ATRNL1: variants seen among roughly 807,000 people sequenced by gnomAD.
ATRNL1 encodes the protein attractin-like protein 1.
In ATRNL1, 95 loss-of-function variants were observed where a neutral mutation model predicts 182.7. That is an observed-to-expected ratio of 0.52 (90% CI 0.44 to 0.62). The LOEUF is 0.62. Among genes scored for constraint, ATRNL1 ranks in the 20% least tolerant of loss-of-function variants. The pLI is 0.00. For missense variants in ATRNL1, 1,471 were observed against 1,679.5 expected (o/e 0.88, Z 2.17); for synonymous variants, 576 against 568.3 (o/e 1.01, Z -0.19).
At chr10:115,219,679 G>C (rs1387896936) in intron 9 of ATRNL1, among the ~76,000 whole-genome samples, 1 of 152,148 alleles carries the variant, frequency 6.6e-6, no homozygotes, top group Non-Finnish European at 1.5e-5. Context: ...GAGGCAGGTG[G>C]ATTGCTTGAA....
At chr10:115,257,065 TTAGAA>T (rs544585844) in intron 10 of ATRNL1, among the ~76,000 whole-genome samples, 179 of 152,286 alleles carry the variant, frequency 1.2e-3, no homozygotes, top group African/African-American at 4.0e-3. Context: ...GTGGTCAACT[TTAGAA>T]TAAGTGCGAT....
At chr10:115,318,616 G>T (rs1406225784) in intron 18 of ATRNL1, among the ~76,000 whole-genome samples, 1 of 152,054 alleles carries the variant, frequency 6.6e-6, no homozygotes, top group Non-Finnish European at 1.5e-5. Context: ...TTAGTCTTGG[G>T]AGGGTGTGTG....
At chr10:115,762,051 A>G (rs945204618) in intron 27 of ATRNL1, among the ~76,000 whole-genome samples, 2 of 152,146 alleles carry the variant, frequency 1.3e-5, no homozygotes, top group East Asian at 1.9e-4. Flanking sequence ...GAAATTGGCC[A>G]TTGTCAGAAT....
At position 115,674,626 on chromosome 10, in the gene ATRNL1, A is replaced by G. The variant is rs1945803969; in HGVS notation, c.3796-52622A>G. Among the ~76,000 whole-genome samples, 2 of 152,098 alleles carry G rather than the reference A, an allele frequency of 1.3e-5. 1 individual carries two copies. Among genetic ancestry groups the G allele is most frequent in the Non-Finnish European group, 2.9e-5 (2 of 68,002 alleles). On this transcript the variant is annotated intron_variant, in intron 26 of 28. Coordinates refer to ENST00000355044, the MANE Select transcript of ATRNL1 (RefSeq NM_207303.4). ...CTGATGAAATTTTTGTAAGTACTTA[A>G]CTGTGTATTTGCCCATTTATAGACT... is the stretch of plus-strand genomic sequence containing the variant.
chr10:115,301,064 T>A (rs1458880804), intron 16 of ATRNL1, among the ~76,000 whole-genome samples: 2 of 152,184 alleles, frequency 1.3e-5, no homozygotes, highest in Non-Finnish European at 2.9e-5. Flanking sequence ...GTAGGATATA[T>A]GAGAATTTCC....
intron 21 of ATRNL1, among the ~76,000 whole-genome samples, chr10:115,436,865 T>G (rs1846427630): frequency 1.3e-5 from 2 of 152,116 alleles, no homozygotes; most frequent in African/African-American, 4.8e-5. Context: ...CTATTGAAGC[T>G]TATACACTAC....
intron 26 of ATRNL1, among the ~76,000 whole-genome samples, chr10:115,696,078 T>G (rs2133983450): frequency 6.6e-6 from 1 of 152,236 alleles, no homozygotes; most frequent in South Asian, 2.1e-4. Context: ...TTTTGTATTT[T>G]TAGTAGAGAC....
At chr10:115,917,568 C>T (rs1454256437) in intron 28 of ATRNL1, among the ~76,000 whole-genome samples, 4 of 151,188 alleles carry the variant, frequency 2.6e-5, no homozygotes, top group Non-Finnish European at 5.9e-5. Flanking sequence ...AACGTCTGCT[C>T]ACTATGTAGT....
At chr10:115,283,437 C>G (rs894576632) in intron 14 of ATRNL1, among the ~76,000 whole-genome samples, 1 of 152,004 alleles carries the variant, frequency 6.6e-6, no homozygotes, top group African/African-American at 2.4e-5. Flanking sequence ...CAAACAAACA[C>G]ACCATTGAGG....
rs374088355 is a variant in ATRNL1 at position 115,466,098 on chromosome 10, A to T, written c.3418-1076A>T. On this transcript the variant is annotated intron_variant, in intron 22 of 28. Transcript: ENST00000355044. Reference sequence around the variant, plus strand: ...ATGTTCCTTATTTCTCCTGCTATTCATCAGGGAAAGGCCATTTTCCTTGTC... The same window carrying T: ...ATGTTCCTTATTTCTCCTGCTATTCTTCAGGGAAAGGCCATTTTCCTTGTC... Among the ~76,000 whole-genome samples the T allele has an allele frequency of 2.5e-4, 38 of 151,518 alleles. 1 individual carries two copies. The South Asian group carries it at 7.7e-3, about 31-fold the overall frequency.
At chr10:115,314,702 A>T (rs1592431863) in intron 17 of ATRNL1, among the ~76,000 whole-genome samples, 1 of 152,228 alleles carries the variant, frequency 6.6e-6, no homozygotes, top group Non-Finnish European at 1.5e-5. Context: ...TTTCATAGCA[A>T]TGGCTATGTC....
chr10:115,558,915 C>T (rs1853493950), intron 26 of ATRNL1, among the ~76,000 whole-genome samples: 1 of 152,110 alleles, frequency 6.6e-6, no homozygotes, highest in Non-Finnish European at 1.5e-5. Context: ...CCCCAGCTCC[C>T]TTTTGCAGAT....
intron 27 of ATRNL1, among the ~76,000 whole-genome samples, chr10:115,795,363 T>G (rs2134221152): frequency 6.6e-6 from 1 of 152,284 alleles, no homozygotes; most frequent in Non-Finnish European, 1.5e-5. Context: ...TTTACCTAAT[T>G]AGGTGATGAA....
intron 19 of ATRNL1, among the ~76,000 whole-genome samples, chr10:115,350,558 C>A (rs79446253): frequency 1.3e-5 from 2 of 151,944 alleles, no homozygotes; most frequent in Non-Finnish European, 2.9e-5. Flanking sequence ...ATGTTCTTGG[C>A]ACCTTCTTTG....
chr10:115,384,274 G>T (rs1284023708), intron 19 of ATRNL1, among the ~76,000 whole-genome samples: 1 of 151,922 alleles, frequency 6.6e-6, no homozygotes, highest in African/African-American at 2.4e-5. Context: ...AGTGCCCTTA[G>T]ATAAATGTTG....
intron 5 of ATRNL1, among the ~76,000 whole-genome samples, chr10:115,132,649 T>C (rs1845306849): frequency 6.6e-6 from 1 of 152,174 alleles, no homozygotes. Flanking sequence ...GGTATCTCAT[T>C]GTGGTTTTGA....
At chr10:115,146,150 G>A (rs1218391821) in intron 5 of ATRNL1, among the ~76,000 whole-genome samples, 4 of 151,824 alleles carry the variant, frequency 2.6e-5, no homozygotes, top group Non-Finnish European at 5.9e-5. Context: ...AATGTGTTCA[G>A]TTGAAAACTG....
chr10:115,473,246 G>A (rs576417891), intron 24 of ATRNL1, among the ~76,000 whole-genome samples: 9 of 151,274 alleles, frequency 5.9e-5, no homozygotes, highest in African/African-American at 2.2e-4. Flanking sequence ...AATGTGGTTG[G>A]CTAGCATTTT....
chr10:115,534,633 A>G (rs186542730), intron 25 of ATRNL1, among the ~76,000 whole-genome samples: 436 of 152,016 alleles, frequency 2.9e-3, no homozygotes, highest in African/African-American at 0.01. Context: ...TTATGTGTGA[A>G]TTTGATCCTG....
Sources: gnomAD v4.1 joint callset for allele counts (sites outside exome capture counted in the v4.1 genomes callset) on GRCh38, gnomAD v4.1.1 for gene constraint, MANE v1.5 for transcripts, NCBI Gene and HGNC (gene_info 2026-07-23, HGNC 2026-07-21) for gene names.